TMEFF2: variants seen among roughly 807,000 people sequenced by gnomAD.
TMEFF2 encodes tomoregulin-2.
In TMEFF2, 28 loss-of-function variants were observed where a neutral mutation model predicts 53.8. The observed-to-expected ratio is 0.52, with a 90% CI of 0.39 to 0.71. The LOEUF (loss-of-function observed/expected upper bound fraction) is 0.71. TMEFF2 is among the 30% of genes least tolerant of loss of function. The probability of loss-of-function intolerance (pLI) is 0.00; values close to 1 mark genes in which losing one functional copy is unlikely to be tolerated. For missense variants in TMEFF2, 353 were observed against 455.2 expected, an observed-to-expected ratio of 0.78 and a Z score of 2.04; for synonymous variants, 162 against 166.3, an observed-to-expected ratio of 0.97 and a Z score of 0.20.
intron 4 of TMEFF2, among the ~76,000 whole-genome samples, chr2:192,106,003 C>T (rs1689136527): frequency 1.3e-5 from 2 of 151,918 alleles, no homozygotes; most frequent in Non-Finnish European, 3.0e-5. Flanking sequence ...TAACAATACA[C>T]ATATGTCTTG....
At chr2:192,017,517 C>T (rs139701076) in intron 5 of TMEFF2, among the ~76,000 whole-genome samples, 1 of 152,280 alleles carries the variant, frequency 6.6e-6, no homozygotes, top group African/African-American at 2.4e-5. Flanking sequence ...GCAGCACTCA[C>T]CATAGATGAA....
chr2:192,103,131 T>C (rs138837761), intron 4 of TMEFF2, among the ~76,000 whole-genome samples: 245 of 152,320 alleles, frequency 1.6e-3, no homozygotes, highest in African/African-American at 5.7e-3. Flanking sequence ...CACTGTCCTA[T>C]AACTCAGTGT....
chr2:192,007,400 T>C (rs943764525), intron 5 of TMEFF2, among the ~76,000 whole-genome samples: 1 of 152,168 alleles, frequency 6.6e-6, no homozygotes, highest in Non-Finnish European at 1.5e-5. Context: ...AAGACTCTTT[T>C]GTTTAATGCT....
At chr2:191,978,430 TAATAA>T (rs1005592197) in intron 7 of TMEFF2, among the ~76,000 whole-genome samples, 2 of 151,820 alleles carry the variant, frequency 1.3e-5, no homozygotes, top group African/African-American at 2.4e-5. Flanking sequence ...AGAGAAGCAC[TAATAA>T]AATTGCCAAG....
chr2:192,028,496 G>A (rs907943939), intron 5 of TMEFF2: 6 of 152,010 alleles, frequency 3.9e-5, no homozygotes, highest in Non-Finnish European at 8.8e-5. Context: ...GTGTGTGTGT[G>A]TGTGTGTGTG....
At chr2:191,961,859 A>G (rs769680392) in intron 7 of TMEFF2, among the ~76,000 whole-genome samples, 11 of 152,204 alleles carry the variant, frequency 7.2e-5, no homozygotes, top group Non-Finnish European at 1.3e-4. Context: ...GCAACTTAAC[A>G]GATTCCACAA....
intron 5 of TMEFF2, among the ~76,000 whole-genome samples, chr2:192,023,817 A>G (rs557004336): frequency 6.6e-6 from 1 of 152,246 alleles, no homozygotes; most frequent in Non-Finnish European, 1.5e-5. Context: ...TGATATGTCT[A>G]TTATCCTTAG....
chr2:191,952,490 A>G (rs568363414), intron 9 of TMEFF2, among the ~76,000 whole-genome samples: 148 of 152,134 alleles, frequency 9.7e-4, no homozygotes, highest in African/African-American at 3.4e-3. Context: ...TTCTTTTTAT[A>G]TGCAGTATTT....
At chr2:192,065,592 GGTCTGT>G (rs1559110854) in intron 4 of TMEFF2, among the ~76,000 whole-genome samples, 1 of 151,490 alleles carries the variant, frequency 6.6e-6, no homozygotes, top group African/African-American at 2.4e-5. Context: ...TCAATCTAGT[GGTCTGT>G]GTTTTTTTCT....
intron 4 of TMEFF2, among the ~76,000 whole-genome samples, chr2:192,059,096 A>G (rs1247708265): frequency 1.3e-5 from 2 of 152,160 alleles, no homozygotes; most frequent in Non-Finnish European, 2.9e-5. Context: ...CATCCCTAGG[A>G]GAGTTATCTG....
At chr2:192,096,720 A>G (rs1238514468) in intron 4 of TMEFF2, among the ~76,000 whole-genome samples, 2 of 108,868 alleles carry the variant, frequency 1.8e-5, no homozygotes, top group African/African-American at 3.9e-5. Context: ...TTTATTGCCC[A>G]GGCTGGAGTG....
intron 5 of TMEFF2, among the ~76,000 whole-genome samples, chr2:192,009,574 A>G (rs1357970542): frequency 6.6e-6 from 1 of 152,114 alleles, no homozygotes; most frequent in Non-Finnish European, 1.5e-5. Flanking sequence ...TCAATCTTTT[A>G]CTTACTGATT....
rs575001152 is a variant in TMEFF2, at chr2:192,157,525, T to C, written c.439+22143A>G. Among the ~76,000 whole-genome samples, 11 of 152,192 alleles carry C rather than the reference T, an allele frequency of 7.2e-5. No homozygotes were observed. In the East Asian group the frequency reaches 2.1e-3, roughly 29 times the overall value. The stretch of plus-strand genomic sequence containing the variant: ...TAGCTCACAAGAAGTGTAACACTTA[T>C]TTGGATATACGTTTCTGAAATGATG... On this transcript the variant is annotated intron_variant, in intron 4 of 9. Coordinates refer to ENST00000272771, the MANE Select transcript of TMEFF2 (RefSeq NM_016192.4).
chr2:191,956,142 G>T (rs1281664381), intron 8 of TMEFF2, 113 bp downstream of exon 8: 3 of 1,166,888 alleles, frequency 2.6e-6, no homozygotes, highest in Admixed American at 5.5e-5. Context: ...GAAAAGTTTT[G>T]TTGCTGATTA....
intron 9 of TMEFF2, among the ~76,000 whole-genome samples, chr2:191,950,821 C>G (rs1691853128): frequency 6.6e-6 from 1 of 152,152 alleles, no homozygotes; most frequent in African/African-American, 2.4e-5. Context: ...TAAATCCTAT[C>G]AAACCAGAGA....
chr2:192,130,231 G>A (rs1015218400), intron 4 of TMEFF2, among the ~76,000 whole-genome samples: 2 of 152,030 alleles, frequency 1.3e-5, no homozygotes, highest in African/African-American at 4.8e-5. Context: ...TAAGAACTCA[G>A]ATTTTTTTCC....
intron 4 of TMEFF2, among the ~76,000 whole-genome samples, chr2:192,084,176 T>C (rs1463719289): frequency 6.6e-6 from 1 of 152,194 alleles, no homozygotes; most frequent in African/African-American, 2.4e-5. Flanking sequence ...AGTCAGGCTC[T>C]TCCGCTGTCT....
intron 4 of TMEFF2, among the ~76,000 whole-genome samples, chr2:192,115,460 G>T (rs1336083948): frequency 6.6e-6 from 1 of 151,752 alleles, no homozygotes; most frequent in African/African-American, 2.4e-5. Flanking sequence ...AAAAGCACAG[G>T]CAACAAAAGT....
At chr2:192,037,273 TAAA>T (rs1471911165) in intron 5 of TMEFF2, among the ~76,000 whole-genome samples, 6 of 94,762 alleles carry the variant, frequency 6.3e-5, no homozygotes, top group African/African-American at 2.1e-4. Flanking sequence ...CTAGCCAAAA[TAAA>T]GAAAGAAAGA....
Sources: allele counts gnomAD v4.1 joint callset (sites outside exome capture counted in the v4.1 genomes callset), GRCh38; gene constraint gnomAD v4.1.1; transcripts MANE v1.5; gene names NCBI Gene and HGNC (gene_info 2026-07-23, HGNC 2026-07-21).